The following HERC1 variants were observed in gnomAD, a reference collection of about 807,000 sequenced individuals.
HERC1 encodes probable E3 ubiquitin-protein ligase HERC1.
In HERC1, 160 loss-of-function variants were observed where a neutral mutation model predicts 554.3. That is an observed-to-expected ratio of 0.29 (90% CI 0.25 to 0.33). The LOEUF (loss-of-function observed/expected upper bound fraction) is 0.33. Among genes scored for constraint, HERC1 ranks in the 10% least tolerant of loss-of-function variants. The probability of loss-of-function intolerance (pLI) is 1.00; values close to 1 mark genes in which losing one functional copy is unlikely to be tolerated. For synonymous variants in HERC1, 2,175 were observed against 2,131.7 expected, an observed-to-expected ratio of 1.02 and a Z score of -0.56; for missense variants, 4,919 against 5,918.5, an observed-to-expected ratio of 0.83 and a Z score of 5.54.
chr15:63,649,656 AT>A, intron 54 of HERC1, 68 bp downstream of exon 54: 1 of 1,290,142 alleles, frequency 7.8e-7, no homozygotes, highest in East Asian at 2.5e-5. Context: ...TTAAAAGCAA[AT>A]GCCAAAAAGC....
At chr15:63,779,110 A>T (rs2076201798) in intron 1 of HERC1, among the ~76,000 whole-genome samples, 1 of 152,112 alleles carries the variant, frequency 6.6e-6, no homozygotes, top group South Asian at 2.1e-4. Context: ...TGAGAGAAAT[A>T]ATTAGAAAAA....
At chr15:63,769,105 T>C (rs560240232) in intron 2 of HERC1, among the ~76,000 whole-genome samples, 15 of 152,276 alleles carry the variant, frequency 9.9e-5, no homozygotes, top group East Asian at 3.9e-4. Context: ...TCAGTTACGA[T>C]TGAAGACACA....
At chr15:63,678,890 C>T (rs1212082321) in intron 36 of HERC1, among the ~76,000 whole-genome samples, 1 of 152,170 alleles carries the variant, frequency 6.6e-6, no homozygotes, top group African/African-American at 2.4e-5. Flanking sequence ...CATTCTAAGT[C>T]TTAGCTTTTC....
chr15:63,694,405 A>C lies in HERC1; in HGVS notation c.5387T>G (p.Leu1796Arg). 1 of 1,613,972 alleles carries C rather than the reference A, an allele frequency of 6.2e-7. No homozygotes were observed. Among genetic ancestry groups the C allele is most frequent in the Non-Finnish European group, 8.5e-7 (1 of 1,179,868 alleles). Residue 1796 changes from leucine to arginine, a missense_variant, in exon 29 of 78, where the codon CTG (leucine) becomes CGG (arginine). Leu to Arg is a moderately radical substitution (Grantham distance 102). Around this residue, in one of 11 missense-constraint regions of HERC1, gnomAD observed 1,121 missense variants for 1,244.0 expected, o/e 0.90. Coordinates refer to ENST00000443617, the MANE Select transcript of HERC1 (RefSeq NM_003922.4). This position sits in a 1 kb window ranked among gnomAD's most constrained non-coding sequence, Gnocchi z 4.3. ...AACACCCGTCTTTGGCAACAACTGC[A>C]GGGGCTGTCCTAGCATGGTGTCTGT... ...CGTDTMLGQP[L>R]QLLPKTGVSQ...
intron 14 of HERC1, among the ~76,000 whole-genome samples, chr15:63,731,553 C>T (rs1417918181): frequency 6.6e-6 from 1 of 152,114 alleles, no homozygotes; most frequent in Non-Finnish European, 1.5e-5. Flanking sequence ...CATTTGCAGC[C>T]ATTACTCCTT....
chr15:63,661,650 G>T (rs1296430315), intron 45 of HERC1, 103 bp downstream of exon 45: 1 of 1,192,586 alleles, frequency 8.4e-7, no homozygotes. Flanking sequence ...GGGATTTCAG[G>T]GAAGGTTAAA....
chr15:63,748,321 T>A (rs558073473), intron 10 of HERC1, among the ~76,000 whole-genome samples: 85 of 152,260 alleles, frequency 5.6e-4, no homozygotes, highest in African/African-American at 1.3e-3. Context: ...AAACCTTTCA[T>A]TTTAGCAACT....
At chr15:63,738,240 T>G (rs920247483) in intron 12 of HERC1, among the ~76,000 whole-genome samples, 1 of 152,084 alleles carries the variant, frequency 6.6e-6, no homozygotes, top group Admixed American at 6.5e-5. Flanking sequence ...ACTCATGAAA[T>G]GTCAAGCTCG....
intron 57 of HERC1, among the ~76,000 whole-genome samples, chr15:63,643,796 C>T (rs887189169): frequency 6.6e-6 from 1 of 152,162 alleles, no homozygotes; most frequent in South Asian, 2.1e-4. Context: ...CTTCAAACTA[C>T]AGAAATAACA....
chr15:63,660,876 C>A, intron 46 of HERC1, 97 bp downstream of exon 46: 1 of 668,370 alleles, frequency 1.5e-6, no homozygotes, highest in Non-Finnish European at 2.6e-6. Context: ...CAAATACAAA[C>A]ACACACACAC....
rs1205943240 is a variant in HERC1 at position 63,739,195 on chromosome 15, CTTTT to C, written c.2521-4350_2521-4347del. Reference sequence around the variant, plus strand: ...AAGACCTCCAACAACCACTAATATACTTTTTTTTTTTTTTTTTTTTTAGATGGAG... The same window carrying C: ...AAGACCTCCAACAACCACTAATATACTTTTTTTTTTTTTTTTTAGATGGAG... On this transcript the variant is annotated intron_variant, in intron 12 of 77. Coordinates refer to ENST00000443617, the MANE Select transcript of HERC1 (RefSeq NM_003922.4). Among the ~76,000 whole-genome samples the C allele has an allele frequency of 1.6e-3, 167 of 102,248 alleles. 2 individuals carry two copies. The highest frequency in any genetic ancestry group is 5.9e-3 in the African/African-American group (163 of 27,572). 67.1% of individuals were successfully genotyped at this position (102,248 alleles called of 152,430 possible). A position where few individuals can be genotyped will look rare whatever the true frequency, so the allele number is the denominator to read the frequency against.
chr15:63,712,276 T>G (rs1291496367), intron 24 of HERC1, among the ~76,000 whole-genome samples: 1 of 152,156 alleles, frequency 6.6e-6, no homozygotes, highest in Non-Finnish European at 1.5e-5. Flanking sequence ...AACAGAGCAG[T>G]GGCAGAAGGA....
At chr15:63,723,767 C>G (rs954758335) in intron 18 of HERC1, among the ~76,000 whole-genome samples, 2 of 152,048 alleles carry the variant, frequency 1.3e-5, no homozygotes, top group Admixed American at 6.6e-5. Context: ...GAAAATGCGA[C>G]TAGACCTTTT....
intron 1 of HERC1, among the ~76,000 whole-genome samples, chr15:63,777,961 A>G (rs2076162410): frequency 6.6e-6 from 1 of 152,216 alleles, no homozygotes; most frequent in African/African-American, 2.4e-5. Context: ...GTAGAAGGCT[A>G]GTTATACCAA....
intron 77 of HERC1, among the ~76,000 whole-genome samples, chr15:63,610,854 G>T (rs1255608926): frequency 6.6e-6 from 1 of 152,224 alleles, no homozygotes; most frequent in Admixed American, 6.5e-5. Flanking sequence ...GGGAGAGAGG[G>T]CTTGTGAAGA....
At chr15:63,763,709 T>C (rs1352567560) in intron 3 of HERC1, among the ~76,000 whole-genome samples, 2 of 152,036 alleles carry the variant, frequency 1.3e-5, no homozygotes, top group Non-Finnish European at 2.9e-5. Context: ...AAAGAGGTTA[T>C]GACAAGGCTG....
chr15:63,723,357 T>TA lies in HERC1; in HGVS notation c.3569-3dup. 36 of 1,531,390 alleles carry TA rather than the reference T, an allele frequency of 2.4e-5. No homozygotes were observed. Among genetic ancestry groups the TA allele is most frequent in the South Asian group, 7.5e-5 (6 of 79,834 alleles). The allele number at this position is 1,531,390 out of a possible 1,614,324, so 94.9% of individuals were successfully genotyped here. A position where few individuals can be genotyped will look rare whatever the true frequency, so the allele number is the denominator to read the frequency against. On this transcript the variant is annotated splice_region_variant and splice_polypyrimidine_tract_variant and intron_variant, in intron 18 of 77. Coordinates refer to ENST00000443617, the MANE Select transcript of HERC1 (RefSeq NM_003922.4). ...CTAACAGGCAACTCATACATTTATCTAAAAAAAATACTCACGTTACCAATT... is the reference window on the plus strand; with the variant it reads ...CTAACAGGCAACTCATACATTTATCTAAAAAAAAATACTCACGTTACCAATT...
At chr15:63,645,754 A>G (rs2069304731) in intron 55 of HERC1, 72 bp from the exon 56 acceptor site, 2 of 830,088 alleles carry the variant, frequency 2.4e-6, no homozygotes, top group South Asian at 2.0e-5. Context: ...TCAGTAATAC[A>G]TAACTTATAT....
rs150836233 is a variant in HERC1, at chr15:63,686,902, A to G, written c.6049-367T>C. 1.3e-3 allele frequency among the ~76,000 whole-genome samples: 196 copies of G among 152,356 alleles called. 1 individual carries two copies. The highest frequency in any genetic ancestry group is 2.4e-3 in the Admixed American group (37 of 15,304). On this transcript the variant is annotated intron_variant, in intron 33 of 77. Coordinates refer to ENST00000443617, the MANE Select transcript of HERC1 (RefSeq NM_003922.4). ...CCTGAATGATGAGAAGGCAGTAAGC[A>G]GCTGGTCAAATGAGAGAGGCATTTT...
Sources: allele counts gnomAD v4.1 joint callset (sites outside exome capture counted in the v4.1 genomes callset), GRCh38; gene constraint gnomAD v4.1.1; regional missense constraint gnomAD v4.1.1; non-coding constraint Gnocchi (gnomAD v3.1); transcripts MANE v1.5; gene names NCBI Gene and HGNC (gene_info 2026-07-23, HGNC 2026-07-21).